The following SLC7A6 variants were observed in gnomAD, a reference collection of about 807,000 sequenced individuals.
The protein encoded by SLC7A6 is solute carrier family 7 member 6.
Under a neutral mutation model 46.6 loss-of-function variants are expected in SLC7A6, and 29 were observed. The observed-to-expected ratio is 0.62, with a 90% CI of 0.46 to 0.85. SLC7A6 has a LOEUF of 0.85. SLC7A6 is among the 40% of genes least tolerant of loss of function. SLC7A6 has a pLI of 0.00. For synonymous variants in SLC7A6, 276 were observed against 257.3 expected (o/e 1.07, Z -0.70); for missense variants, 527 against 647.6 (o/e 0.81, Z 2.02).
At chr16:68,280,767 C>T (rs1376160253) in intron 3 of SLC7A6, among the ~76,000 whole-genome samples, 3 of 150,866 alleles carry the variant, frequency 2.0e-5, no homozygotes, top group Non-Finnish European at 4.4e-5. Flanking sequence ...CAGAGTCTTG[C>T]TCTGTCACCC....
chr16:68,290,461 G>A lies in SLC7A6; in HGVS notation c.715G>A (p.Ala239Thr). ...CTGGGACATGGGAAACCTCTCTCTT[G>A]CCCTCTACTCTGCCCTCTTCTCTTA... The part of the protein sequence containing the change: ...SSWDMGNLSL[A>T]LYSALFSYSG... The change falls in exon 5 of 11, where the codon GCC (alanine) becomes ACC (threonine). Residue 239 changes from alanine to threonine, a missense_variant. Physicochemically the swap from Ala to Thr is moderately conservative, Grantham distance 58. Transcript: ENST00000219343. 6.2e-7 allele frequency: 1 copy of A among 1,614,078 alleles called. No individual in the cohort carries two copies. The highest frequency in any genetic ancestry group is 8.5e-7 in the Non-Finnish European group (1 of 1,180,012).
At chr16:68,269,704 A>G (rs2042591853) in intron 2 of SLC7A6, among the ~76,000 whole-genome samples, 1 of 151,786 alleles carries the variant, frequency 6.6e-6, no homozygotes, top group African/African-American at 2.4e-5. Context: ...CAGTGAGCCA[A>G]GATTGTACCA....
intron 3 of SLC7A6, among the ~76,000 whole-genome samples, chr16:68,278,649 C>G (rs940656454): frequency 2.6e-5 from 4 of 152,142 alleles, no homozygotes; most frequent in Non-Finnish European, 5.9e-5. Context: ...AGATCAACAG[C>G]ATCCCAAGGC....
chr16:68,285,984 C>T (rs2042922716), intron 3 of SLC7A6, among the ~76,000 whole-genome samples: 1 of 148,196 alleles, frequency 6.7e-6, no homozygotes, highest in South Asian at 2.1e-4. Context: ...GTGGTCCCAG[C>T]TAATAGGAGG....
At chr16:68,283,224 T>C (rs1436410871) in intron 3 of SLC7A6, among the ~76,000 whole-genome samples, 1 of 152,210 alleles carries the variant, frequency 6.6e-6, no homozygotes. Flanking sequence ...CTCAAACATG[T>C]TGATGTTTGT....
intron 2 of SLC7A6, among the ~76,000 whole-genome samples, chr16:68,270,528 A>G (rs2042607988): frequency 6.6e-6 from 1 of 152,224 alleles, no homozygotes; most frequent in African/African-American, 2.4e-5. Context: ...TCTTCTGAGT[A>G]ACCACTGAGG....
At chr16:68,277,276 G>A (rs1251736481) in intron 3 of SLC7A6, among the ~76,000 whole-genome samples, 2 of 150,008 alleles carry the variant, frequency 1.3e-5, no homozygotes, top group African/African-American at 4.9e-5. Flanking sequence ...TAGTAGAGAG[G>A]GGGTTTCACC....
chr16:68,277,871 C>T (rs140927609), intron 3 of SLC7A6, among the ~76,000 whole-genome samples: 31 of 151,930 alleles, frequency 2.0e-4, no homozygotes, highest in Middle Eastern at 3.4e-3. Context: ...AGGTGATCTG[C>T]CCACCCGGCC....
At chr16:68,295,378 C>G (rs143761688) in intron 8 of SLC7A6, among the ~76,000 whole-genome samples, 1 of 152,290 alleles carries the variant, frequency 6.6e-6, no homozygotes, top group Admixed American at 6.5e-5. Flanking sequence ...GAAAAATTCT[C>G]TTGATATTTT....
At chr16:68,290,735 C>T in intron 5 of SLC7A6, 195 bp downstream of exon 5, 1 of 652,124 alleles carries the variant, frequency 1.5e-6, no homozygotes, top group Non-Finnish European at 2.6e-6. Flanking sequence ...GCTCCCTGTC[C>T]TCACGTTCGC....
rs143048521 is a variant in SLC7A6 at position 68,301,634 on chromosome 16, T to C, written c.*4306T>C. 8,124 of 358,702 alleles carry C rather than the reference T, an allele frequency of 0.023. 169 individuals are homozygous for C. Among genetic ancestry groups the C allele is most frequent in the Non-Finnish European group, 0.027 (5,316 of 199,856 alleles). The allele number at this position is 358,702 out of a possible 1,614,324, so 22.2% of individuals were successfully genotyped here. On this transcript the variant is annotated 3_prime_UTR_variant, in exon 11 of 11. Transcript: ENST00000219343. ...AGTATTTTGTCACTTCTCCCCTCCG[T>C]GGAGTATTTTGTCACTTCTCCCCTC...
chr16:68,301,334 G>A lies in SLC7A6; in HGVS notation c.*4006G>A. On this transcript the variant is annotated 3_prime_UTR_variant, in exon 11 of 11. Transcript: ENST00000219343. Reference sequence around the variant, plus strand: ...CCGAACTCCTTCTGCACATCCAGAGGGTACTTGCTCCACATCCGCTGTCTG... The same window carrying A: ...CCGAACTCCTTCTGCACATCCAGAGAGTACTTGCTCCACATCCGCTGTCTG... 6.2e-7 allele frequency: 1 copy of A among 1,614,092 alleles called. No homozygotes were observed. Among genetic ancestry groups the A allele is most frequent in the South Asian group, 1.1e-5 (1 of 91,084 alleles).
At chr16:68,266,153 G>A (rs1269652827) in intron 1 of SLC7A6, among the ~76,000 whole-genome samples, 2 of 152,054 alleles carry the variant, frequency 1.3e-5, no homozygotes, top group Non-Finnish European at 2.9e-5. Context: ...CCACCTACTC[G>A]GGAGGCTGAG....
intron 2 of SLC7A6, among the ~76,000 whole-genome samples, chr16:68,268,900 G>T (rs182597137): frequency 6.6e-6 from 1 of 152,182 alleles, no homozygotes; most frequent in South Asian, 2.1e-4. Flanking sequence ...CCAGCTACTC[G>T]GAAAGCTGAG....
rs747928841 is a variant in SLC7A6, at chr16:68,301,421, G to C, written c.*4093G>C. The C allele has an allele frequency of 6.2e-7, 1 of 1,609,034 alleles. No homozygotes were observed. On this transcript the variant is annotated 3_prime_UTR_variant, in exon 11 of 11. Transcript: ENST00000219343. ...TCAGCAGAGCCTAGAATGACATCCCGGGAGTGGATTCTAAATGTGATTTTC... is the reference window on the plus strand; with the variant it reads ...TCAGCAGAGCCTAGAATGACATCCCCGGAGTGGATTCTAAATGTGATTTTC...
chr16:68,285,828 C>T (rs2042918981), intron 3 of SLC7A6, among the ~76,000 whole-genome samples: 1 of 152,036 alleles, frequency 6.6e-6, no homozygotes, highest in African/African-American at 2.4e-5. Flanking sequence ...GGCATAGTGG[C>T]TCATGCCTGT....
intron 4 of SLC7A6, among the ~76,000 whole-genome samples, chr16:68,289,847 G>C (rs1267435246): frequency 1.3e-5 from 2 of 152,166 alleles, no homozygotes; most frequent in African/African-American, 4.8e-5. Context: ...CGCAAGTAGA[G>C]CAGCATAGAG....
chr16:68,294,586 C>G, intron 7 of SLC7A6, 119 bp from the exon 8 acceptor site: 1 of 736,574 alleles, frequency 1.4e-6, no homozygotes, highest in Non-Finnish European at 2.4e-6. Context: ...TGGGATGCTC[C>G]TGGGAGGCTG....
chr16:68,277,457 G>A (rs1010625347), intron 3 of SLC7A6, among the ~76,000 whole-genome samples: 63 of 149,656 alleles, frequency 4.2e-4, no homozygotes, highest in Non-Finnish European at 5.8e-4. Flanking sequence ...TACAGTAGGC[G>A]CCCGCCACCG....
Sources: gnomAD v4.1 joint callset for allele counts (sites outside exome capture counted in the v4.1 genomes callset) on GRCh38, gnomAD v4.1.1 for gene constraint, MANE v1.5 for transcripts, NCBI Gene and HGNC (gene_info 2026-07-23, HGNC 2026-07-21) for gene names.